The following KLHL3 variants were observed in gnomAD, a reference collection of about 807,000 sequenced individuals.
KLHL3 encodes the protein kelch-like protein 3.
KLHL3 carries 19 observed loss-of-function variants against 70.5 expected under a neutral mutation model. The ratio of observed to expected loss-of-function variants is 0.27; its 90% CI spans 0.19 to 0.40. KLHL3 has a LOEUF of 0.40. Ranked by LOEUF, KLHL3 falls within the 10% of genes least tolerant of loss-of-function variation. The probability of loss-of-function intolerance (pLI) is 1.00; values close to 1 mark genes in which losing one functional copy is unlikely to be tolerated. For synonymous variants in KLHL3, 258 were observed against 290.3 expected, an observed-to-expected ratio of 0.89 and a Z score of 1.13; for missense variants, 512 against 771.1, an observed-to-expected ratio of 0.66 and a Z score of 3.98.
chr5:137,664,260 G>A (rs1340621143), intron 6 of KLHL3, among the ~76,000 whole-genome samples: 1 of 151,628 alleles, frequency 6.6e-6, no homozygotes, highest in Non-Finnish European at 1.5e-5. Flanking sequence ...TGAGGTGGGA[G>A]AACTGCTTGA....
At chr5:137,672,630 G>C (rs542280334) in intron 6 of KLHL3, 1 of 152,258 alleles carries the variant, frequency 6.6e-6, no homozygotes, top group South Asian at 2.1e-4. Flanking sequence ...TGTTTCATAA[G>C]AAGGCAAGAG....
chr5:137,665,437 G>GT (rs1306823576), intron 6 of KLHL3, among the ~76,000 whole-genome samples: 1 of 152,184 alleles, frequency 6.6e-6, no homozygotes, highest in Admixed American at 6.5e-5. Context: ...ATATTTAGGG[G>GT]TGAAGTGTCA....
chr5:137,683,311 C>G lies in KLHL3; in HGVS notation c.527-5657G>C, dbSNP rs368649445. ...CCCCATAATTCCCAGGGCCAGCAGCCCCAGGGAACAGGTGTGAGTGCCTCT... is the reference window on the plus strand; with the variant it reads ...CCCCATAATTCCCAGGGCCAGCAGCGCCAGGGAACAGGTGTGAGTGCCTCT... On this transcript the variant is annotated intron_variant, in intron 5 of 14. Coordinates refer to ENST00000309755, the MANE Select transcript of KLHL3 (RefSeq NM_017415.3). 2.4e-4 allele frequency among the ~76,000 whole-genome samples: 37 copies of G among 152,248 alleles called. No individual in the cohort carries two copies. In the East Asian group the frequency reaches 7.1e-3, roughly 29 times the overall value.
At chr5:137,662,847 C>T (rs1408477542) in intron 6 of KLHL3, among the ~76,000 whole-genome samples, 8 of 152,196 alleles carry the variant, frequency 5.3e-5, no homozygotes, top group African/African-American at 1.7e-4. Context: ...TGTGCATTCT[C>T]GTTGACTTTA....
rs769972730 is a variant in KLHL3, at chr5:137,662,003, T to C, written c.665A>G (p.Asn222Ser). The C allele has an allele frequency of 2.5e-6, 4 of 1,610,796 alleles. No individual in the cohort carries two copies. Among genetic ancestry groups the C allele is most frequent in the Non-Finnish European group, 3.4e-6 (4 of 1,177,704 alleles). ...KVFEAVISWI[N>S]YEKETRLEHM... ...CTCTAAACGGGTTTCTTTCTCATAA[T>C]TGATCCATGAGATCACAGCTTCAAA... Residue 222 changes from asparagine to serine, a missense_variant, in exon 7 of 15, where the codon AAT (asparagine) becomes AGT (serine). Coordinates refer to ENST00000309755, the MANE Select transcript of KLHL3 (RefSeq NM_017415.3).
At chr5:137,661,860 A>T in intron 7 of KLHL3, 55 bp downstream of exon 7, 1 of 994,086 alleles carries the variant, frequency 1.0e-6, no homozygotes, top group Non-Finnish European at 1.6e-6. Flanking sequence ...GCCCATTGCT[A>T]TTCCTACAGG....
chr5:137,720,423 C>A, intron 2 of KLHL3, 42 bp downstream of exon 2: 1 of 1,612,746 alleles, frequency 6.2e-7, no homozygotes, highest in Non-Finnish European at 8.5e-7. Context: ...AGCTCATGGA[C>A]AAGTTCCTTC....
rs1432908021 is a variant in KLHL3, at chr5:137,692,388, G to A, written c.423C>T (p.Asp141=). 3 of 1,613,898 alleles carry A rather than the reference G, an allele frequency of 1.9e-6. No homozygotes were observed. Among genetic ancestry groups the A allele is most frequent in the Non-Finnish European group, 2.5e-6 (3 of 1,180,022 alleles). The change falls in exon 5 of 15, where the codon GAC becomes GAT. Residue 141 remains aspartate, a synonymous_variant. Transcript: ENST00000309755. ...TGGGATGCAACTGAGACTGCAGGAA[G>A]TCACAGCAGTTCTGCCGAACATCCA... ...QLMDVRQNCC[D]FLQSQLHPTN...
At chr5:137,729,958 G>C (rs192783100) in intron 1 of KLHL3, among the ~76,000 whole-genome samples, 64 of 152,216 alleles carry the variant, frequency 4.2e-4, no homozygotes, top group Admixed American at 3.3e-3. Context: ...TGCCACCTCA[G>C]TTCATAGAAT....
intron 6 of KLHL3, among the ~76,000 whole-genome samples, chr5:137,666,432 G>A (rs890671855): frequency 5.3e-5 from 8 of 152,104 alleles, no homozygotes; most frequent in Admixed American, 2.6e-4. Context: ...GTCTCTGCAC[G>A]CCATCTCCCA....
chr5:137,706,322 G>A (rs1317947216), intron 3 of KLHL3: 9 of 985,146 alleles, frequency 9.1e-6, no homozygotes, highest in African/African-American at 1.7e-5. Flanking sequence ...CATTTTACAC[G>A]TTTTGAAGCT....
At chr5:137,709,705 G>A (rs1252936883) in intron 3 of KLHL3, 45 bp downstream of exon 3, 1 of 1,463,246 alleles carries the variant, frequency 6.8e-7, no homozygotes, top group African/African-American at 1.4e-5. Context: ...TCCCAGTGGG[G>A]CTGCAGCCCC....
chr5:137,695,558 C>T (rs939625250), intron 4 of KLHL3, among the ~76,000 whole-genome samples: 1 of 152,152 alleles, frequency 6.6e-6, no homozygotes, highest in Non-Finnish European at 1.5e-5. Context: ...CTCTGGGTCT[C>T]AGGGATAAAT....
At chr5:137,734,099 T>C (rs564992018) in intron 1 of KLHL3, among the ~76,000 whole-genome samples, 12 of 152,324 alleles carry the variant, frequency 7.9e-5, no homozygotes, top group African/African-American at 2.9e-4. Flanking sequence ...GGGAACACAG[T>C]GCCCAAAACT....
chr5:137,642,859 T>C (rs1750950412), intron 8 of KLHL3, among the ~76,000 whole-genome samples: 1 of 151,864 alleles, frequency 6.6e-6, no homozygotes, highest in African/African-American at 2.4e-5. Context: ...CCAGCTTCTT[T>C]TGTAAATTAA....
chr5:137,651,867 A>T (rs965283534), intron 8 of KLHL3, among the ~76,000 whole-genome samples: 1 of 152,244 alleles, frequency 6.6e-6, no homozygotes, highest in Admixed American at 6.5e-5. Flanking sequence ...GATAAAATGG[A>T]ACAGAAGAGA....
chr5:137,679,656 A>AC (rs1460666406), intron 5 of KLHL3, among the ~76,000 whole-genome samples: 1 of 152,212 alleles, frequency 6.6e-6, no homozygotes, highest in African/African-American at 2.4e-5. Context: ...ATCCTTAGAG[A>AC]TAAATCAAGA....
chr5:137,716,626 T>C (rs891989400), intron 2 of KLHL3, among the ~76,000 whole-genome samples: 1 of 152,198 alleles, frequency 6.6e-6, no homozygotes, highest in Admixed American at 6.5e-5. Context: ...TTGAGGTTCT[T>C]GCTCTCCAAG....
chr5:137,658,254 C>A lies in KLHL3; in HGVS notation c.780G>T (p.Lys260Asn). 6.2e-7 allele frequency: 1 copy of A among 1,613,970 alleles called. No individual in the cohort carries two copies. The highest frequency in any genetic ancestry group is 1.1e-5 in the South Asian group (1 of 91,068). The change falls in exon 8 of 15, where the codon AAG becomes AAT. Residue 260 changes from lysine to asparagine, a missense_variant. Transcript: ENST00000309755. ...VQTVEEEALI[K>N]NNNTCKDFLI... ...GGAAGTCTTTACAGGTGTTGTTATT[C>A]TTTATCAAAGCTTCTTCTTCAACCG...
Sources: allele counts gnomAD v4.1 joint callset (sites outside exome capture counted in the v4.1 genomes callset), GRCh38; gene constraint gnomAD v4.1.1; transcripts MANE v1.5; gene names NCBI Gene and HGNC (gene_info 2026-07-23, HGNC 2026-07-21).